Variants in ZC3H12B observed in about 807,000 individuals in gnomAD.
ZC3H12B encodes probable ribonuclease ZC3H12B.
In ZC3H12B, 7 loss-of-function variants were observed where a neutral mutation model predicts 43.9. The ratio of observed to expected loss-of-function variants is 0.16; its 90% CI spans 0.09 to 0.30. The LOEUF (loss-of-function observed/expected upper bound fraction) is 0.30. ZC3H12B is among the 10% of genes least tolerant of loss of function. The probability of loss-of-function intolerance (pLI) is 1.00; values close to 1 mark genes in which losing one functional copy is unlikely to be tolerated. For synonymous variants in ZC3H12B, 222 were observed against 241.7 expected, an observed-to-expected ratio of 0.92 and a Z score of 0.76; for missense variants, 475 against 670.2, an observed-to-expected ratio of 0.71 and a Z score of 3.22.
the ZC3H12B span, among the ~76,000 whole-genome samples, chrX:65,194,575 A>G: frequency 8.9e-6 from 1 of 111,759 alleles, no homozygotes; most frequent in Non-Finnish European, 1.9e-5. Flanking sequence ...ATGTTTTAAG[A>G]CTTGGTTTTG....
At chrX:65,118,114 G>A in the ZC3H12B span, among the ~76,000 whole-genome samples, 10 of 111,021 alleles carry the variant, frequency 9.0e-5, no homozygotes, top group African/African-American at 2.6e-4. Context: ...CATTGGTAGC[G>A]TGATGGGGAT....
chrX:65,060,769 A>T, the ZC3H12B span, among the ~76,000 whole-genome samples: 1 of 112,239 alleles, frequency 8.9e-6, no homozygotes, highest in African/African-American at 3.2e-5. Context: ...ATATGAAGAA[A>T]AGCTCATCAT....
At chrX:65,250,890 C>T in the ZC3H12B span, among the ~76,000 whole-genome samples, 1 of 111,461 alleles carries the variant, frequency 9.0e-6, no homozygotes, top group East Asian at 2.8e-4. Context: ...TGTAGGTTGC[C>T]TGTTCACTCT....
the ZC3H12B span, among the ~76,000 whole-genome samples, chrX:65,151,872 G>A: frequency 9.0e-6 from 1 of 111,637 alleles, no homozygotes; most frequent in East Asian, 2.8e-4. Flanking sequence ...ACATCAAACA[G>A]CTTATCCACC....
the ZC3H12B span, among the ~76,000 whole-genome samples, chrX:65,213,918 CAT>C: frequency 1.0e-5 from 1 of 100,139 alleles, no homozygotes; most frequent in African/African-American, 4.6e-5. Flanking sequence ...TACACACACA[CAT>C]ATATGTACAC....
chrX:65,422,203 G>A (rs530711346), intron 3 of ZC3H12B, among the ~76,000 whole-genome samples: 2 of 111,579 alleles, frequency 1.8e-5, no homozygotes, highest in South Asian at 3.8e-4. Flanking sequence ...ATGGATCCAA[G>A]TATCAAAGGG....
the ZC3H12B span, among the ~76,000 whole-genome samples, chrX:65,323,380 T>C: frequency 8.9e-6 from 1 of 111,987 alleles, no homozygotes; most frequent in Admixed American, 9.4e-5. Flanking sequence ...TGTGTGATGT[T>C]CCCCTCCCTG....
chrX:65,186,099 CTTGGAG>C, the ZC3H12B span: 2 of 111,614 alleles, frequency 1.8e-5, no homozygotes, highest in African/African-American at 6.5e-5. Context: ...CCTTGGGTAG[CTTGGAG>C]TTGGAGTACC....
At chrX:65,124,193 A>C in the ZC3H12B span, among the ~76,000 whole-genome samples, 2 of 110,589 alleles carry the variant, frequency 1.8e-5, no homozygotes, top group South Asian at 7.6e-4. Context: ...GAAGTTTTCT[A>C]TGTAAAGGGA....
chrX:65,383,786 C>T (rs1020143694), intron 2 of ZC3H12B, among the ~76,000 whole-genome samples: 1 of 111,304 alleles, frequency 9.0e-6, no homozygotes, highest in Non-Finnish European at 1.9e-5. Flanking sequence ...CATCACTGGC[C>T]ATCAGAGAAA....
chrX:65,333,498 T>A, the ZC3H12B span, among the ~76,000 whole-genome samples: 1 of 111,992 alleles, frequency 8.9e-6, no homozygotes, highest in African/African-American at 3.2e-5. Flanking sequence ...CAAAAAAAGT[T>A]TTCTTGACTG....
At chrX:65,143,350 A>G in the ZC3H12B span, among the ~76,000 whole-genome samples, 1 of 110,930 alleles carries the variant, frequency 9.0e-6, no homozygotes, top group Non-Finnish European at 1.9e-5. Flanking sequence ...GGCTTTTATT[A>G]TATTGAGGTA....
the ZC3H12B span, among the ~76,000 whole-genome samples, chrX:65,283,986 G>T: frequency 1.8e-3 from 204 of 111,252 alleles, no homozygotes; most frequent in Middle Eastern, 9.3e-3. Flanking sequence ...TCTCAACTGA[G>T]TGTGGGCTCT....
upstream of ZC3H12B, among the ~76,000 whole-genome samples, chrX:65,488,030 C>T (rs183270373): frequency 1.8e-5 from 2 of 111,287 alleles, no homozygotes; most frequent in African/African-American, 6.5e-5. Flanking sequence ...CGTCACCATG[C>T]CCAGCTAAAT....
the ZC3H12B span, among the ~76,000 whole-genome samples, chrX:65,345,962 T>G: frequency 9.0e-6 from 1 of 111,248 alleles, no homozygotes; most frequent in South Asian, 3.7e-4. Flanking sequence ...CTAAAAGAAA[T>G]TATTGATGAC....
the ZC3H12B span, among the ~76,000 whole-genome samples, chrX:65,213,041 C>G: frequency 9.2e-6 from 1 of 108,398 alleles, no homozygotes; most frequent in Non-Finnish European, 1.9e-5. Context: ...TATCCATTCC[C>G]TACTCTCTTC....
At chrX:65,300,291 C>T in the ZC3H12B span, among the ~76,000 whole-genome samples, 221 of 111,974 alleles carry the variant, frequency 2.0e-3, 1 homozygote, top group Admixed American at 3.3e-3. Flanking sequence ...CCCCTGTTCA[C>T]CAGCTGCCTG....
At chrX:65,463,686 T>C (rs1478626251) in intron 3 of ZC3H12B, among the ~76,000 whole-genome samples, 1 of 111,289 alleles carries the variant, frequency 9.0e-6, no homozygotes, top group Admixed American at 9.6e-5. Flanking sequence ...CATCACCTTC[T>C]CTTTTGTATA....
the ZC3H12B span, among the ~76,000 whole-genome samples, chrX:65,290,540 A>G: frequency 8.9e-6 from 1 of 111,879 alleles, no homozygotes; most frequent in Non-Finnish European, 1.9e-5. Context: ...CAATATATCA[A>G]AGGAATACCT....
Sources: gnomAD v4.1 joint callset for allele counts (sites outside exome capture counted in the v4.1 genomes callset) on GRCh38, gnomAD v4.1.1 for gene constraint, MANE v1.5 for transcripts, NCBI Gene and HGNC (gene_info 2026-07-23, HGNC 2026-07-21) for gene names.